KLF5: variants seen among roughly 807,000 people sequenced by gnomAD.
The protein encoded by KLF5 is Krueppel-like factor 5.
KLF5 carries 9 observed loss-of-function variants against 36.9 expected under a neutral mutation model. The observed-to-expected ratio is 0.24, with a 90% CI of 0.15 to 0.43. The LOEUF (loss-of-function observed/expected upper bound fraction) is 0.43. Ranked by LOEUF, KLF5 falls within the 20% of genes least tolerant of loss-of-function variation. KLF5 has a pLI of 1.00. For synonymous variants in KLF5, 246 were observed against 241.7 expected, an observed-to-expected ratio of 1.02 and a Z score of -0.17; for missense variants, 524 against 599.5, an observed-to-expected ratio of 0.87 and a Z score of 1.31.
At position 73,075,990 on chromosome 13, in the gene KLF5, A is replaced by C; in HGVS notation, c.*104A>C. ...AAAAACAAACAAAAGCAAGAAAACC[A>C]CAACTAAAACTGGAAATGTATATTT... On this transcript the variant is annotated 3_prime_UTR_variant, in exon 4 of 4. Transcript: ENST00000377687. The C allele has an allele frequency of 3.3e-6, 3 of 920,324 alleles. No individual in the cohort carries two copies. Among genetic ancestry groups the C allele is most frequent in the Non-Finnish European group, 4.6e-6 (3 of 649,954 alleles). The allele number at this position is 920,324 out of a possible 1,614,324, so 57.0% of individuals were successfully genotyped here. A position where few individuals can be genotyped will look rare whatever the true frequency, so the allele number is the denominator to read the frequency against.
upstream of KLF5, among the ~76,000 whole-genome samples, chr13:73,056,656 A>C (rs1200545169): frequency 6.6e-6 from 1 of 152,242 alleles, no homozygotes; most frequent in Non-Finnish European, 1.5e-5. Context: ...GAAAAGGATT[A>C]CTTTCCAATT....
intron 1 of KLF5, 118 bp downstream of exon 1, chr13:73,059,706 A>C: frequency 1.1e-6 from 1 of 909,550 alleles, no homozygotes; most frequent in Non-Finnish European, 1.3e-6. Context: ...GGCGCACCGG[A>C]GCCGGTGCTG....
chr13:73,075,577 A>G (rs550748411), intron 3 of KLF5, 131 bp from the exon 4 acceptor site: 170 of 719,542 alleles, frequency 2.4e-4, no homozygotes, highest in Admixed American at 6.2e-4. Context: ...ATTTACTCAT[A>G]ATGGAATTCA....
At chr13:73,062,798 C>T (rs893312769) in intron 2 of KLF5, 64 bp downstream of exon 2, 148 of 1,276,430 alleles carry the variant, frequency 1.2e-4, no homozygotes, top group African/African-American at 4.3e-4. Context: ...TGTCTGTGTG[C>T]GCGCGCGTGT....
intron 2 of KLF5, 90 bp from the exon 3 acceptor site, chr13:73,063,734 T>G: frequency 1.1e-6 from 1 of 932,954 alleles, no homozygotes. Context: ...AGAGATTTCT[T>G]CTTTAAAGCC....
At chr13:73,062,837 A>C in intron 2 of KLF5, 103 bp downstream of exon 2, 3 of 960,598 alleles carry the variant, frequency 3.1e-6, no homozygotes, top group South Asian at 1.8e-5. Context: ...GCCCTTTTCA[A>C]CCTCATGGCT....
rs1483212221 is a variant in KLF5 at position 73,063,890 on chromosome 13, A to G, written c.1195+7A>G. ...CACCTGAGGACTCACACTGGTATGT[A>G]ATTTTCTTGTTAATTCTGTGAGTTG... On this transcript the variant is annotated splice_region_variant and intron_variant, in intron 3 of 3. Transcript: ENST00000377687. The G allele has an allele frequency of 2.5e-6, 4 of 1,573,296 alleles. No homozygotes were observed. The highest frequency in any genetic ancestry group is 3.5e-6 in the Non-Finnish European group (4 of 1,143,394).
In KLF5 at chr13:73,063,983, C is replaced by CTTTTT. The variant is rs67730943; in HGVS notation, c.1195+103_1195+104insTTTTT. ...CGTGTTTGATCTCTTCTCCTGTCAA[C>CTTTTT]TTTGTTTTTTTTTTTTTTTTTAAAT... On this transcript the variant is annotated intron_variant, in intron 3 of 3. Transcript: ENST00000377687. The CTTTTT allele has an allele frequency of 4.0e-5, 14 of 351,622 alleles. 1 individual carries two copies. Among genetic ancestry groups the CTTTTT allele is most frequent in the Non-Finnish European group, 6.0e-5 (12 of 200,594 alleles). The allele number at this position is 351,622 out of a possible 1,614,324, so 21.8% of individuals were successfully genotyped here.
chr13:73,074,376 C>T (rs925662132), intron 3 of KLF5, among the ~76,000 whole-genome samples: 1 of 152,068 alleles, frequency 6.6e-6, no homozygotes, highest in South Asian at 2.1e-4. Flanking sequence ...TGAGGTTCCT[C>T]CCTTTCAGAA....
rs1214064910 is a variant in KLF5, at chr13:73,059,389, C to G, written c.62C>G (p.Pro21Arg). The change falls in exon 1 of 4, where the codon CCG becomes CGG. Residue 21 changes from proline (P) to arginine (R), a missense_variant. By Grantham distance (103) the Pro-to-Arg change is moderately radical. Around this residue, in one of 4 missense-constraint regions of KLF5, gnomAD observed 454 missense variants for 458.1 expected, o/e 0.99. Transcript: ENST00000377687. ...RLGPVPQPPAPQDEPVFAQLK... is the reference protein window; with the variant it reads ...RLGPVPQPPARQDEPVFAQLK... ...GGACCCGTGCCCCAGCCGCCGGCGC[C>G]GCAGGACGAGCCGGTGTTCGCGCAG... is the stretch of plus-strand genomic sequence containing the variant. 7.1e-7 allele frequency: 1 copy of G among 1,403,344 alleles called. No homozygotes were observed. The highest frequency in any genetic ancestry group is 9.3e-7 in the Non-Finnish European group (1 of 1,079,258). 86.9% of individuals were successfully genotyped at this position (1,403,344 alleles called of 1,614,324 possible). A position where few individuals can be genotyped will look rare whatever the true frequency, so the allele number is the denominator to read the frequency against.
At chr13:73,073,438 G>A (rs2044736462) in intron 3 of KLF5, among the ~76,000 whole-genome samples, 2 of 152,132 alleles carry the variant, frequency 1.3e-5, no homozygotes, top group Non-Finnish European at 2.9e-5. Flanking sequence ...AATGGCTACC[G>A]TATTTCAAGC....
intron 3 of KLF5, among the ~76,000 whole-genome samples, chr13:73,067,387 C>G (rs1411067283): frequency 6.6e-6 from 1 of 152,140 alleles, no homozygotes; most frequent in Non-Finnish European, 1.5e-5. Flanking sequence ...AATATATTGA[C>G]TGTATCTTCA....
intron 1 of KLF5, among the ~76,000 whole-genome samples, chr13:73,060,342 A>T (rs2044625262): frequency 6.6e-6 from 1 of 152,074 alleles, no homozygotes; most frequent in Admixed American, 6.5e-5. Flanking sequence ...ACTTCCCGGG[A>T]CTTTTAGCCT....
rs2044638474 is a variant in KLF5 at position 73,061,942 on chromosome 13, G to A, written c.343G>A (p.Asp115Asn). 1 of 1,614,092 alleles carries A rather than the reference G, an allele frequency of 6.2e-7. No individual in the cohort carries two copies. Among genetic ancestry groups the A allele is most frequent in the Non-Finnish European group, 8.5e-7 (1 of 1,179,976 alleles). The change falls in exon 2 of 4, where the codon GAC becomes AAC. Residue 115 changes from aspartate (D) to asparagine (N), a missense_variant. Physicochemically the swap from Asp to Asn is conservative, Grantham distance 23. This residue lies in a region of KLF5 where 454 missense variants were observed against 458.1 expected (regional missense o/e 0.99). Transcript: ENST00000377687. The part of the protein sequence containing the change: ...IIPEHKKYRR[D>N]SASVVDQFFT... Reference sequence around the variant, plus strand: ...TCCAGAGCATAAAAAGTATAGACGAGACAGTGCCTCAGTCGTAGACCAGTT... The same window carrying A: ...TCCAGAGCATAAAAAGTATAGACGAAACAGTGCCTCAGTCGTAGACCAGTT...
At chr13:73,065,381 C>G (rs919605725) in intron 3 of KLF5, among the ~76,000 whole-genome samples, 3 of 152,218 alleles carry the variant, frequency 2.0e-5, no homozygotes, top group Non-Finnish European at 4.4e-5. Context: ...ACACTACTTA[C>G]TAAAATCCGA....
chr13:73,067,597 TC>T (rs1188919662), intron 3 of KLF5, among the ~76,000 whole-genome samples: 1 of 152,132 alleles, frequency 6.6e-6, no homozygotes, highest in Admixed American at 6.5e-5. Flanking sequence ...TTCTTTTTTT[TC>T]CCCCGTTTCA....
chr13:73,056,536 T>C (rs2044584434), upstream of KLF5, among the ~76,000 whole-genome samples: 1 of 152,228 alleles, frequency 6.6e-6, no homozygotes, highest in Non-Finnish European at 1.5e-5. Flanking sequence ...CCCTTTTTAC[T>C]AAGTCGGTGA....
chr13:73,062,828 C>T (rs2044649683), intron 2 of KLF5, 94 bp downstream of exon 2: 1 of 1,040,416 alleles, frequency 9.6e-7, no homozygotes, highest in Non-Finnish European at 1.4e-6. Flanking sequence ...CACGCGCGTG[C>T]CCTTTTCAAC....
chr13:73,058,032 G>A (rs894946431), upstream of KLF5, among the ~76,000 whole-genome samples: 1 of 152,126 alleles, frequency 6.6e-6, no homozygotes, highest in Non-Finnish European at 1.5e-5. Flanking sequence ...TTGTCTCTTC[G>A]TAGGAAAAGG....
Sources: allele counts gnomAD v4.1 joint callset (sites outside exome capture counted in the v4.1 genomes callset), GRCh38; gene constraint gnomAD v4.1.1; regional missense constraint gnomAD v4.1.1; transcripts MANE v1.5; gene names NCBI Gene and HGNC (gene_info 2026-07-23, HGNC 2026-07-21).